SYNDIG1: variants seen among roughly 807,000 people sequenced by gnomAD.
SYNDIG1 encodes the protein synapse differentiation inducing 1, also known as synapse differentiation-inducing gene protein 1.
In SYNDIG1, 9 loss-of-function variants were observed where a neutral mutation model predicts 19.4. That is an observed-to-expected ratio of 0.46 (90% CI 0.28 to 0.81). The LOEUF is 0.81. Among genes scored for constraint, SYNDIG1 ranks in the 30% least tolerant of loss-of-function variants. The pLI is 0.12. For missense variants in SYNDIG1, 311 were observed against 343.3 expected, an observed-to-expected ratio of 0.91 and a Z score of 0.74; for synonymous variants, 141 against 145.9, an observed-to-expected ratio of 0.97 and a Z score of 0.24.
intron 3 of SYNDIG1, among the ~76,000 whole-genome samples, chr20:24,640,700 A>C (rs2059368113): frequency 6.6e-6 from 1 of 152,200 alleles, no homozygotes; most frequent in Admixed American, 6.5e-5. Context: ...TATGTCACCC[A>C]TAATACAGCA....
chr20:24,473,038 A>G (rs1568752457), intron 1 of SYNDIG1, among the ~76,000 whole-genome samples: 1 of 152,140 alleles, frequency 6.6e-6, no homozygotes, highest in African/African-American at 2.4e-5. Flanking sequence ...ACCCTCATGC[A>G]CATTGGAAAA....
At chr20:24,502,975 T>C (rs1027299229) in intron 1 of SYNDIG1, among the ~76,000 whole-genome samples, 1 of 152,246 alleles carries the variant, frequency 6.6e-6, no homozygotes, top group African/African-American at 2.4e-5. Context: ...GGCACAATTA[T>C]GTTCAGTGAT....
At chr20:24,557,039 A>G (rs1001566025) in intron 2 of SYNDIG1, among the ~76,000 whole-genome samples, 1 of 151,596 alleles carries the variant, frequency 6.6e-6, no homozygotes, top group Non-Finnish European at 1.5e-5. Flanking sequence ...TTCCCTTCTC[A>G]CTTCATTTCA....
chr20:24,535,579 C>T (rs1378104367), intron 1 of SYNDIG1, among the ~76,000 whole-genome samples: 2 of 151,968 alleles, frequency 1.3e-5, no homozygotes, highest in East Asian at 3.9e-4. Context: ...CCATAGTAAA[C>T]TGTGTGCACA....
chr20:24,639,722 A>G (rs1311066007), intron 3 of SYNDIG1, among the ~76,000 whole-genome samples: 3 of 152,238 alleles, frequency 2.0e-5, no homozygotes, highest in Non-Finnish European at 2.9e-5. Context: ...CATCAGAAGC[A>G]ATTACACTCA....
intron 3 of SYNDIG1, among the ~76,000 whole-genome samples, chr20:24,603,754 C>G (rs2058712984): frequency 6.6e-6 from 1 of 152,186 alleles, no homozygotes; most frequent in African/African-American, 2.4e-5. Flanking sequence ...AACAACTCAT[C>G]CTTAGCCCAG....
At chr20:24,494,128 AC>A (rs1238857284) in intron 1 of SYNDIG1, among the ~76,000 whole-genome samples, 6 of 150,886 alleles carry the variant, frequency 4.0e-5, no homozygotes, top group African/African-American at 1.5e-4. Flanking sequence ...CCAGCAAAGT[AC>A]AGGGGCAGGG....
At chr20:24,507,947 A>G (rs972916143) in intron 1 of SYNDIG1, among the ~76,000 whole-genome samples, 3 of 152,204 alleles carry the variant, frequency 2.0e-5, no homozygotes, top group East Asian at 1.9e-4. Context: ...GCCTTCCTGC[A>G]GGGAAGCACC....
At chr20:24,505,694 T>G (rs2056572952) in intron 1 of SYNDIG1, among the ~76,000 whole-genome samples, 1 of 152,194 alleles carries the variant, frequency 6.6e-6, no homozygotes, top group Non-Finnish European at 1.5e-5. Flanking sequence ...CTCTCAGTGT[T>G]CTCCTTAGGA....
intron 3 of SYNDIG1, among the ~76,000 whole-genome samples, chr20:24,619,564 C>T (rs555033300): frequency 2.0e-4 from 31 of 152,350 alleles, no homozygotes; most frequent in African/African-American, 7.5e-4. Flanking sequence ...ATTTATGTGA[C>T]ATAAACAAGA....
At chr20:24,630,355 G>A (rs967769167) in intron 3 of SYNDIG1, among the ~76,000 whole-genome samples, 4 of 152,114 alleles carry the variant, frequency 2.6e-5, no homozygotes, top group African/African-American at 7.2e-5. Context: ...CCCAAACACT[G>A]TGGAAATGAT....
chr20:24,665,384 C>T lies in SYNDIG1; in HGVS notation c.657C>T (p.Ala219=). 6.2e-7 allele frequency: 1 copy of T among 1,610,224 alleles called. No homozygotes were observed. The highest frequency in any genetic ancestry group is 8.5e-7 in the Non-Finnish European group (1 of 1,178,770). The change falls in exon 4 of 4, where the codon GCC becomes GCT. Residue 219 remains alanine, a synonymous_variant. Coordinates refer to ENST00000376862, the MANE Select transcript of SYNDIG1 (RefSeq NM_024893.3). ...KAVAKGDLHQ[A]STSSRRALFL... ...TGGCCAAGGGGGACTTGCACCAGGC[C>T]AGCACCAGCTCCCGGCGGGCCCTAT...
chr20:24,481,924 GA>G (rs926459016), intron 1 of SYNDIG1, among the ~76,000 whole-genome samples: 13 of 151,508 alleles, frequency 8.6e-5, no homozygotes, highest in African/African-American at 3.1e-4. Context: ...AATCCCAAGT[GA>G]AAAAAAATTG....
In SYNDIG1 at chr20:24,491,788, A is replaced by C. The variant is rs1351971164; in HGVS notation, c.-79+22035A>C. 2.6e-5 allele frequency: 4 copies of C among 152,270 alleles called. 1 individual carries two copies. The highest frequency in any genetic ancestry group is 2.6e-4 in the Admixed American group (4 of 15,290). The allele number at this position is 152,270 out of a possible 1,614,324, so 9.4% of individuals were successfully genotyped here. On this transcript the variant is annotated intron_variant, in intron 1 of 3. Transcript: ENST00000376862. ...ATGCTTGAAGACATTTCACTAAGTCATAAGTCTCTGGGCTCCTGGGCACAT... is the reference window on the plus strand; with the variant it reads ...ATGCTTGAAGACATTTCACTAAGTCCTAAGTCTCTGGGCTCCTGGGCACAT...
At chr20:24,563,042 T>C (rs539577137) in intron 2 of SYNDIG1, among the ~76,000 whole-genome samples, 1 of 152,342 alleles carries the variant, frequency 6.6e-6, no homozygotes, top group African/African-American at 2.4e-5. Context: ...GAAATTGTAG[T>C]TTAATAAAGT....
At chr20:24,539,579 A>G (rs989773686) in intron 1 of SYNDIG1, among the ~76,000 whole-genome samples, 2 of 152,136 alleles carry the variant, frequency 1.3e-5, no homozygotes, top group Non-Finnish European at 2.9e-5. Flanking sequence ...GAGATTCCAT[A>G]TGAATGTTAG....
chr20:24,654,989 C>T (rs770071088), intron 3 of SYNDIG1, among the ~76,000 whole-genome samples: 5 of 152,166 alleles, frequency 3.3e-5, no homozygotes, highest in Middle Eastern at 6.3e-3. Flanking sequence ...CAGAGTCTGC[C>T]ACCCACGCAT....
At chr20:24,552,303 T>C (rs2057721037) in intron 2 of SYNDIG1, among the ~76,000 whole-genome samples, 1 of 152,144 alleles carries the variant, frequency 6.6e-6, no homozygotes, top group Non-Finnish European at 1.5e-5. Context: ...GGAAGAGGGC[T>C]TTTTTAAAAA....
chr20:24,518,058 A>T (rs919505251), intron 1 of SYNDIG1, among the ~76,000 whole-genome samples: 5 of 151,824 alleles, frequency 3.3e-5, no homozygotes, highest in Admixed American at 3.3e-4. Context: ...CACCTGCCTC[A>T]GCTTCCCAAA....
Sources: allele counts gnomAD v4.1 joint callset (sites outside exome capture counted in the v4.1 genomes callset), GRCh38; gene constraint gnomAD v4.1.1; transcripts MANE v1.5; gene names NCBI Gene and HGNC (gene_info 2026-07-23, HGNC 2026-07-21).